The following ATG5 variants were observed in gnomAD, a reference collection of about 807,000 sequenced individuals.
The protein encoded by ATG5 is autophagy related 5, also known as autophagy protein 5.
A neutral mutation model predicts 36.5 loss-of-function variants in ATG5; 14 were observed. That is an observed-to-expected ratio of 0.38 (90% CI 0.25 to 0.60). The LOEUF (loss-of-function observed/expected upper bound fraction) is 0.60. Ranked by LOEUF, ATG5 falls within the 20% of genes least tolerant of loss-of-function variation. The pLI is 0.60. For synonymous variants in ATG5, 95 were observed against 101.5 expected (o/e 0.94, Z 0.38); for missense variants, 195 against 326.7 (o/e 0.60, Z 3.11).
chr6:106,310,391 T>C (rs1380313709), intron 2 of ATG5, among the ~76,000 whole-genome samples: 1 of 152,154 alleles, frequency 6.6e-6, no homozygotes, highest in African/African-American at 2.4e-5. Context: ...AGAATGACTA[T>C]TCTATAGTAC....
intron 2 of ATG5, among the ~76,000 whole-genome samples, chr6:106,315,815 G>T (rs184363036): frequency 6.6e-6 from 1 of 151,926 alleles, no homozygotes; most frequent in Admixed American, 6.6e-5. Context: ...AGAAAGTCAA[G>T]AAGGCACCAT....
intron 3 of ATG5, among the ~76,000 whole-genome samples, chr6:106,293,353 G>C (rs1327098449): frequency 6.6e-6 from 1 of 152,212 alleles, no homozygotes. Context: ...TGTGGGCAAA[G>C]GCATTCTTTA....
chr6:106,221,233 G>A (rs1384215590), intron 6 of ATG5, among the ~76,000 whole-genome samples: 3 of 152,064 alleles, frequency 2.0e-5, no homozygotes, highest in Admixed American at 6.5e-5. Flanking sequence ...TATAAACCAG[G>A]CAGTAGACTT....
At chr6:106,287,070 A>G (rs541420051) in intron 4 of ATG5, among the ~76,000 whole-genome samples, 1 of 152,358 alleles carries the variant, frequency 6.6e-6, no homozygotes, top group African/African-American at 2.4e-5. Flanking sequence ...AATACAACAT[A>G]CTATTGATAG....
intron 7 of ATG5, among the ~76,000 whole-genome samples, chr6:106,197,226 AG>A (rs2114337340): frequency 6.6e-6 from 1 of 152,342 alleles, no homozygotes; most frequent in East Asian, 1.9e-4. Flanking sequence ...AAGTGCAATA[AG>A]GTAGTCATTT....
intron 5 of ATG5, among the ~76,000 whole-genome samples, chr6:106,260,102 T>C (rs1213224452): frequency 6.6e-6 from 1 of 152,026 alleles, no homozygotes; most frequent in Admixed American, 6.6e-5. Context: ...CACTGAGGCC[T>C]GTCGGTGGGT....
At chr6:106,259,552 C>T (rs1323644752) in intron 5 of ATG5, among the ~76,000 whole-genome samples, 3 of 152,152 alleles carry the variant, frequency 2.0e-5, no homozygotes, top group African/African-American at 7.2e-5. Context: ...CCCCTTTCAA[C>T]AAGTCCATGA....
chr6:106,277,763 G>A (rs1443010968), intron 5 of ATG5, among the ~76,000 whole-genome samples: 2 of 152,210 alleles, frequency 1.3e-5, no homozygotes, highest in African/African-American at 2.4e-5. Context: ...GCAGTGAGCT[G>A]AGATTGTGCC....
Position 106,325,719 on chromosome 6 carries a change from A to G in ATG5, c.-252T>C, listed in dbSNP as rs953460469. 5 of 152,838 alleles carry G rather than the reference A, an allele frequency of 3.3e-5. No homozygotes were observed. Among genetic ancestry groups the G allele is most frequent in the Non-Finnish European group, 7.3e-5 (5 of 68,164 alleles). The allele number at this position is 152,838 out of a possible 1,614,324, so 9.5% of individuals were successfully genotyped here. A position where few individuals can be genotyped will look rare whatever the true frequency, so the allele number is the denominator to read the frequency against. ...GGAGGTCGGAGCTGAACCCTGCTGC[A>G]CTTCCGCCCTCTGGTATCCAGCGAA... On this transcript the variant is annotated 5_prime_UTR_variant, in exon 1 of 8. Coordinates refer to ENST00000369076, the MANE Select transcript of ATG5 (RefSeq NM_004849.4).
At position 106,207,485 on chromosome 6, in the gene ATG5, G is replaced by A. The variant is rs552505583; in HGVS notation, c.574-5396C>T. ...GGAGACCGAGGTGGGAGGAGAGCTTGAGCCCATGAGTTTGAGACTCACCCG... is the reference window on the plus strand; with the variant it reads ...GGAGACCGAGGTGGGAGGAGAGCTTAAGCCCATGAGTTTGAGACTCACCCG... On this transcript the variant is annotated intron_variant, in intron 6 of 7. Transcript: ENST00000369076. Among the ~76,000 whole-genome samples, 92 of 151,564 alleles carry A rather than the reference G, an allele frequency of 6.1e-4. 1 individual carries two copies. In the South Asian group the frequency reaches 0.019, roughly 31 times the overall value.
intron 6 of ATG5, among the ~76,000 whole-genome samples, chr6:106,243,146 T>C (rs570481071): frequency 6.6e-5 from 10 of 152,292 alleles, no homozygotes; most frequent in South Asian, 2.1e-4. Context: ...TTTTAGCACA[T>C]AGAAGTTAAA....
intron 7 of ATG5, among the ~76,000 whole-genome samples, chr6:106,198,777 GA>G (rs34709544): frequency 1.4e-5 from 2 of 148,058 alleles, no homozygotes; most frequent in Non-Finnish European, 1.5e-5. Flanking sequence ...CCCTGTCTGG[GA>G]AAAAAAAAAG....
intron 6 of ATG5, among the ~76,000 whole-genome samples, chr6:106,245,558 T>C (rs913026244): frequency 3.4e-4 from 51 of 152,192 alleles, no homozygotes; most frequent in African/African-American, 1.0e-3. Context: ...TAATGATTCC[T>C]ATTCCTAAGA....
chr6:106,189,443 A>T (rs1053463913), intron 7 of ATG5, among the ~76,000 whole-genome samples: 15 of 152,038 alleles, frequency 9.9e-5, no homozygotes, highest in African/African-American at 3.4e-4. Context: ...TACAAAAAAT[A>T]AAAAAACTCA....
rs148966813 is a variant in ATG5 at position 106,268,259 on chromosome 6, G to A, written c.478+11402C>T. Reference sequence around the variant, plus strand: ...CTTCTCAAAAGAAGACATTTATGTGGCAAACAAACATGAAAAAAAGCTCAT... The same window carrying A: ...CTTCTCAAAAGAAGACATTTATGTGACAAACAAACATGAAAAAAAGCTCAT... On this transcript the variant is annotated intron_variant, in intron 5 of 7. Coordinates refer to ENST00000369076, the MANE Select transcript of ATG5 (RefSeq NM_004849.4). 1.3e-4 allele frequency among the ~76,000 whole-genome samples: 20 copies of A among 152,278 alleles called. No homozygotes were observed. In the East Asian group the frequency reaches 3.7e-3, roughly 28 times the overall value.
chr6:106,249,351 T>C (rs1435304535), intron 5 of ATG5, among the ~76,000 whole-genome samples: 1 of 152,188 alleles, frequency 6.6e-6, no homozygotes, highest in Non-Finnish European at 1.5e-5. Flanking sequence ...TAATATAATA[T>C]GTGGTTCTTT....
At chr6:106,261,837 G>T (rs994483537) in intron 5 of ATG5, among the ~76,000 whole-genome samples, 2 of 152,172 alleles carry the variant, frequency 1.3e-5, no homozygotes, top group Non-Finnish European at 2.9e-5. Context: ...ATTACCGGGG[G>T]AGCGGGCAGT....
intron 6 of ATG5, among the ~76,000 whole-genome samples, chr6:106,239,972 C>T (rs1778052844): frequency 6.6e-6 from 1 of 152,100 alleles, no homozygotes; most frequent in Non-Finnish European, 1.5e-5. Flanking sequence ...ACACCTATCT[C>T]ACACAACACA....
At chr6:106,251,315 C>A (rs1473232532) in intron 5 of ATG5, among the ~76,000 whole-genome samples, 8 of 152,118 alleles carry the variant, frequency 5.3e-5, no homozygotes, top group Admixed American at 5.2e-4. Context: ...GCTGAATATA[C>A]CTCCTCCAGT....
Sources: gnomAD v4.1 joint callset for allele counts (sites outside exome capture counted in the v4.1 genomes callset) on GRCh38, gnomAD v4.1.1 for gene constraint, MANE v1.5 for transcripts, NCBI Gene and HGNC (gene_info 2026-07-23, HGNC 2026-07-21) for gene names.